The following ANXA8 variants were observed in gnomAD, a reference collection of about 807,000 sequenced individuals.
ANXA8 encodes the protein annexin A8.
ANXA8 carries 9 observed loss-of-function variants against 26.8 expected under a neutral mutation model. That is an observed-to-expected ratio of 0.34 (90% confidence interval 0.20 to 0.59). ANXA8 has a LOEUF of 0.59. ANXA8 is among the 20% of genes least tolerant of loss of function. The probability of loss-of-function intolerance (pLI) is 0.84; values close to 1 mark genes in which losing one functional copy is unlikely to be tolerated. For synonymous variants in ANXA8, 39 were observed against 94.8 expected (o/e 0.41, Z 3.42); for missense variants, 83 against 238.5 (o/e 0.35, Z 4.29).
chr10:47,936,784 A>G, the ANXA8 span, among the ~76,000 whole-genome samples: 2 of 151,656 alleles, frequency 1.3e-5, no homozygotes, highest in African/African-American at 4.8e-5. Flanking sequence ...CTGGAGTCTG[A>G]CATCAGCCCG....
the ANXA8 span, among the ~76,000 whole-genome samples, chr10:47,726,548 A>C: frequency 2.0e-5 from 3 of 152,272 alleles, no homozygotes; most frequent in African/African-American, 7.2e-5. Flanking sequence ...TATTATTTTT[A>C]TTTTCATTTC....
chr10:47,938,618 G>C, the ANXA8 span, among the ~76,000 whole-genome samples: 1 of 140,354 alleles, frequency 7.1e-6, no homozygotes, highest in African/African-American at 2.9e-5. Flanking sequence ...GTGCTGGCCT[G>C]GGTGCAGCCC....
chr10:47,655,595 G>T, the ANXA8 span, among the ~76,000 whole-genome samples: 75 of 151,744 alleles, frequency 4.9e-4, 2 homozygotes, highest in African/African-American at 1.7e-3. Context: ...ACTGGATAGT[G>T]GAAATGAAGA....
the ANXA8 span, among the ~76,000 whole-genome samples, chr10:47,676,342 C>T: frequency 2.0e-5 from 3 of 151,774 alleles, no homozygotes; most frequent in African/African-American, 7.3e-5. Context: ...AAATCCCAAG[C>T]AAGTTAAATA....
chr10:47,570,682 A>G, the ANXA8 span, among the ~76,000 whole-genome samples: 2 of 150,706 alleles, frequency 1.3e-5, no homozygotes, highest in African/African-American at 5.0e-5. Context: ...CTAAGATGGG[A>G]GGATCCCTTA....
At chr10:47,521,366 C>T in the ANXA8 span, among the ~76,000 whole-genome samples, 7 of 138,096 alleles carry the variant, frequency 5.1e-5, no homozygotes, top group South Asian at 2.3e-4. Flanking sequence ...TTAATTCACA[C>T]AATGCATTTG....
chr10:47,686,433 A>G, the ANXA8 span, among the ~76,000 whole-genome samples: 16 of 151,498 alleles, frequency 1.1e-4, no homozygotes, highest in Non-Finnish European at 2.1e-4. Context: ...GCTAGGCTTG[A>G]ACTCCTGACC....
the ANXA8 span, among the ~76,000 whole-genome samples, chr10:47,675,123 A>G: frequency 6.9e-6 from 1 of 144,238 alleles, no homozygotes; most frequent in Non-Finnish European, 1.5e-5. Context: ...TTTTGCTTGT[A>G]GGCCATCTCA....
the ANXA8 span, chr10:47,490,461 G>A: frequency 3.9e-5 from 6 of 152,506 alleles, no homozygotes; most frequent in East Asian, 2.0e-4. Context: ...CGAAGGCCCC[G>A]AGTTCTGGGA....
chr10:47,954,562 G>C, the ANXA8 span, among the ~76,000 whole-genome samples: 6 of 151,370 alleles, frequency 4.0e-5, no homozygotes, highest in African/African-American at 1.5e-4. Flanking sequence ...TGGAATTTTT[G>C]TATCACAAAG....
chr10:47,469,296 G>C (rs1839232912), intron 11 of ANXA8, among the ~76,000 whole-genome samples: 1 of 151,642 alleles, frequency 6.6e-6, no homozygotes, highest in Non-Finnish European at 1.5e-5. Context: ...TCAAGGCTGA[G>C]AGTGAGGCAT....
At chr10:47,947,346 C>T in the ANXA8 span, among the ~76,000 whole-genome samples, 1 of 140,296 alleles carries the variant, frequency 7.1e-6, no homozygotes, top group African/African-American at 2.8e-5. Flanking sequence ...CAGAACCTCC[C>T]TGGAAGGGAA....
At chr10:47,945,487 C>A in the ANXA8 span, among the ~76,000 whole-genome samples, 1 of 150,672 alleles carries the variant, frequency 6.6e-6, no homozygotes. Flanking sequence ...TGGCCTCAGA[C>A]AAATCTAAAC....
upstream of ANXA8, chr10:47,487,334 T>C: frequency 1.3e-6 from 1 of 772,148 alleles, no homozygotes; most frequent in Non-Finnish European, 2.0e-6. Context: ...GTGACTGTGT[T>C]GGTCACTGTC....
At chr10:47,954,005 A>G in the ANXA8 span, among the ~76,000 whole-genome samples, 1 of 150,688 alleles carries the variant, frequency 6.6e-6, no homozygotes, top group African/African-American at 2.5e-5. Context: ...AACTGAAAAT[A>G]GAACTACCCT....
the ANXA8 span, among the ~76,000 whole-genome samples, chr10:47,666,467 C>T: frequency 6.6e-6 from 1 of 151,708 alleles, no homozygotes; most frequent in East Asian, 1.9e-4. Flanking sequence ...ATTACACCCA[C>T]TTGACAGACC....
At chr10:47,667,583 A>T in the ANXA8 span, among the ~76,000 whole-genome samples, 1 of 151,590 alleles carries the variant, frequency 6.6e-6, no homozygotes, top group African/African-American at 2.4e-5. Flanking sequence ...ACAGAATCCC[A>T]CTCTCGCCCA....
chr10:47,721,038 T>C, the ANXA8 span, among the ~76,000 whole-genome samples: 4 of 139,716 alleles, frequency 2.9e-5, 1 homozygote, highest in Non-Finnish European at 6.3e-5. Context: ...TCCCAGCTAC[T>C]TGGGAGGCTG....
the ANXA8 span, among the ~76,000 whole-genome samples, chr10:47,684,712 C>T: frequency 7.9e-5 from 12 of 151,468 alleles, no homozygotes; most frequent in East Asian, 3.9e-4. Context: ...CAGCCTCTGG[C>T]GTAGCTGGGA....
Sources: gnomAD v4.1 joint callset for allele counts (sites outside exome capture counted in the v4.1 genomes callset) on GRCh38, gnomAD v4.1.1 for gene constraint, MANE v1.5 for transcripts, NCBI Gene and HGNC (gene_info 2026-07-23, HGNC 2026-07-21) for gene names.